FBXL17: variants seen among roughly 807,000 people sequenced by gnomAD.
The protein encoded by FBXL17 is F-box and leucine rich repeat protein 17.
A neutral mutation model predicts 66.2 loss-of-function variants in FBXL17; 22 were observed. The ratio of observed to expected loss-of-function variants is 0.33; its 90% CI spans 0.24 to 0.47. The LOEUF (loss-of-function observed/expected upper bound fraction) is 0.47, where lower values mean the gene tolerates loss of function less well. Ranked by LOEUF, FBXL17 falls within the 20% of genes least tolerant of loss-of-function variation. The pLI, the probability that FBXL17 is intolerant of heterozygous loss-of-function variation, is 1.00. For synonymous variants in FBXL17, 474 were observed against 400.5 expected (o/e 1.18, Z -2.19); for missense variants, 878 against 948.2 (o/e 0.93, Z 0.97).
Position 108,317,830 on chromosome 5 carries a change from A to C in FBXL17, c.1506+30569T>G, listed in dbSNP as rs547592066. Among the ~76,000 whole-genome samples, 5 of 151,494 alleles carry C rather than the reference A, an allele frequency of 3.3e-5. No individual in the cohort carries two copies. The South Asian group carries it at 1.0e-3, about 31-fold the overall frequency. ...TCTTTAGTGTAAAAGTATTAATGTAAATGCAAAAGGATTTAAAATCATACA... is the reference window on the plus strand; with the variant it reads ...TCTTTAGTGTAAAAGTATTAATGTACATGCAAAAGGATTTAAAATCATACA... On this transcript the variant is annotated intron_variant, in intron 4 of 8. Coordinates refer to ENST00000542267, the MANE Select transcript of FBXL17 (RefSeq NM_001163315.3).
At chr5:108,181,522 C>A (rs1205051890) in intron 6 of FBXL17, among the ~76,000 whole-genome samples, 1 of 152,084 alleles carries the variant, frequency 6.6e-6, no homozygotes, top group East Asian at 1.9e-4. Flanking sequence ...CTAACAGACA[C>A]CATAAAGTAT....
At chr5:107,975,556 T>C (rs879521073) in intron 7 of FBXL17, among the ~76,000 whole-genome samples, 2 of 152,204 alleles carry the variant, frequency 1.3e-5, no homozygotes, top group Non-Finnish European at 2.9e-5. Context: ...ATGAATGTGT[T>C]TTTTAAAATG....
chr5:108,047,328 C>A (rs117597058), intron 6 of FBXL17, among the ~76,000 whole-genome samples: 5 of 152,136 alleles, frequency 3.3e-5, no homozygotes, highest in Non-Finnish European at 7.4e-5. Flanking sequence ...AGATCCCAGT[C>A]GTGAACCTAC....
At chr5:108,357,866 A>G (rs575660570) in intron 3 of FBXL17, among the ~76,000 whole-genome samples, 1 of 127,182 alleles carries the variant, frequency 7.9e-6, no homozygotes, top group South Asian at 2.5e-4. Flanking sequence ...CATATTTTGA[A>G]CTAAATGAAA....
intron 4 of FBXL17, among the ~76,000 whole-genome samples, chr5:108,306,284 G>A (rs1296808038): frequency 6.6e-6 from 1 of 152,022 alleles, no homozygotes; most frequent in Non-Finnish European, 1.5e-5. Context: ...AATGAGAAAC[G>A]CTGGTGATTA....
chr5:108,236,236 G>C (rs1755595990), intron 4 of FBXL17, among the ~76,000 whole-genome samples: 1 of 150,560 alleles, frequency 6.6e-6, no homozygotes, highest in Admixed American at 6.6e-5. Context: ...AACAGGCCAG[G>C]CAGGGTGGCT....
intron 7 of FBXL17, among the ~76,000 whole-genome samples, chr5:108,004,256 C>A (rs574296248): frequency 5.3e-5 from 8 of 152,184 alleles, no homozygotes; most frequent in Admixed American, 4.6e-4. Context: ...TTTTAACAGA[C>A]ATTTGTGTGT....
At chr5:107,892,920 A>G (rs1188485208) in intron 7 of FBXL17, among the ~76,000 whole-genome samples, 1 of 152,224 alleles carries the variant, frequency 6.6e-6, no homozygotes, top group East Asian at 1.9e-4. Flanking sequence ...GAACTAGATT[A>G]GAATACAGCA....
chr5:108,270,099 A>G (rs958102101), intron 4 of FBXL17, among the ~76,000 whole-genome samples: 22 of 152,164 alleles, frequency 1.4e-4, no homozygotes, highest in African/African-American at 4.6e-4. Flanking sequence ...GATTAAAGAT[A>G]CTAAAGAAGT....
intron 6 of FBXL17, among the ~76,000 whole-genome samples, chr5:108,067,063 A>G (rs1230092754): frequency 6.6e-6 from 1 of 152,120 alleles, no homozygotes; most frequent in African/African-American, 2.4e-5. Flanking sequence ...CTGAATCTAC[A>G]GTAGTTTTAA....
chr5:108,368,593 A>G (rs1190661225), intron 1 of FBXL17, among the ~76,000 whole-genome samples: 2 of 152,156 alleles, frequency 1.3e-5, no homozygotes, highest in South Asian at 2.1e-4. Flanking sequence ...CAATTATCAC[A>G]ATTCAGAGGA....
At chr5:108,290,845 A>G (rs970136542) in intron 4 of FBXL17, among the ~76,000 whole-genome samples, 6 of 152,208 alleles carry the variant, frequency 3.9e-5, no homozygotes, top group Non-Finnish European at 7.3e-5. Flanking sequence ...TGGCATATTA[A>G]GCAATTTAAA....
chr5:108,183,800 A>G (rs1044883665), intron 6 of FBXL17, among the ~76,000 whole-genome samples: 1 of 152,174 alleles, frequency 6.6e-6, no homozygotes, highest in African/African-American at 2.4e-5. Context: ...GCCCACTCGT[A>G]AGTGAGACAT....
At chr5:108,023,219 C>G (rs1289739146) in intron 6 of FBXL17, among the ~76,000 whole-genome samples, 1 of 152,020 alleles carries the variant, frequency 6.6e-6, no homozygotes, top group Non-Finnish European at 1.5e-5. Flanking sequence ...AAAATTATTC[C>G]TGAAGTAAAA....
In FBXL17 at chr5:108,269,290, T is replaced by A. The variant is rs143678571; in HGVS notation, c.1507-45062A>T. On this transcript the variant is annotated intron_variant, in intron 4 of 8. Coordinates refer to ENST00000542267, the MANE Select transcript of FBXL17 (RefSeq NM_001163315.3). ...CAATATGCCACTCAAAGTGGCGTATTTTGAGGTGGCATGCTCTTAAGTTCT... is the reference window on the plus strand; with the variant it reads ...CAATATGCCACTCAAAGTGGCGTATATTGAGGTGGCATGCTCTTAAGTTCT... 3.9e-3 allele frequency among the ~76,000 whole-genome samples: 591 copies of A among 152,166 alleles called. 8 individuals carry two copies. The highest frequency in any genetic ancestry group is 0.013 in the African/African-American group (560 of 41,552).
intron 4 of FBXL17, among the ~76,000 whole-genome samples, chr5:108,235,335 T>A (rs559548258): frequency 4.6e-5 from 7 of 152,186 alleles, no homozygotes; most frequent in Non-Finnish European, 8.8e-5. Flanking sequence ...ATCCAGAAAG[T>A]CTCATGACTA....
rs139146972 is a variant in FBXL17 at position 107,903,382 on chromosome 5, A to G, written c.1823-22203T>C. 3.9e-5 allele frequency among the ~76,000 whole-genome samples: 6 copies of G among 152,308 alleles called. No homozygotes were observed. The East Asian group carries it at 5.8e-4, about 15-fold the overall frequency. On this transcript the variant is annotated intron_variant, in intron 7 of 8. Transcript: ENST00000542267. ...GCATTTTCAAGGTACTTGAAACAGT[A>G]TCTCATCCTCACTATAACACTGCAA...
chr5:108,048,163 G>C lies in FBXL17; in HGVS notation c.1746-27162C>G, dbSNP rs1015570147. 7.0e-4 allele frequency among the ~76,000 whole-genome samples: 107 copies of C among 152,302 alleles called. 2 individuals are homozygous for C. The highest frequency in any genetic ancestry group is 2.5e-3 in the African/African-American group (105 of 41,574). On this transcript the variant is annotated intron_variant, in intron 6 of 8. Transcript: ENST00000542267. ...GGCATGGGAGCAAAGCAGATGAAGA[G>C]GGCTTGAAGTGAACCCCCAACAAAC...
intron 7 of FBXL17, among the ~76,000 whole-genome samples, chr5:107,927,532 C>G (rs1013699716): frequency 6.6e-6 from 1 of 151,948 alleles, no homozygotes; most frequent in Non-Finnish European, 1.5e-5. Flanking sequence ...ATGTAAAAAC[C>G]AAAACATATA....
Sources: gnomAD v4.1 joint callset for allele counts (sites outside exome capture counted in the v4.1 genomes callset) on GRCh38, gnomAD v4.1.1 for gene constraint, MANE v1.5 for transcripts, NCBI Gene and HGNC (gene_info 2026-07-23, HGNC 2026-07-21) for gene names.